Variants in NCAM2 observed in about 807,000 individuals in gnomAD.
NCAM2 encodes the protein N-CAM-2.
Under a neutral mutation model 98.1 loss-of-function variants are expected in NCAM2, and 30 were observed. The ratio of observed to expected loss-of-function variants is 0.31; its 90% CI spans 0.23 to 0.41. The LOEUF (loss-of-function observed/expected upper bound fraction) is 0.41. Among genes scored for constraint, NCAM2 ranks in the 10% least tolerant of loss-of-function variants. NCAM2 has a pLI of 1.00. For synonymous variants in NCAM2, 368 were observed against 342.4 expected, an observed-to-expected ratio of 1.07 and a Z score of -0.83; for missense variants, 867 against 1,005.8, an observed-to-expected ratio of 0.86 and a Z score of 1.87.
At chr21:21,319,767 C>T (rs1172433353) in intron 5 of NCAM2, among the ~76,000 whole-genome samples, 4 of 151,662 alleles carry the variant, frequency 2.6e-5, no homozygotes, top group African/African-American at 4.8e-5. Flanking sequence ...TTAAAAGAAA[C>T]ATAATAATCA....
intron 1 of NCAM2, among the ~76,000 whole-genome samples, chr21:21,252,890 A>G (rs2071525668): frequency 6.6e-6 from 1 of 152,070 alleles, no homozygotes; most frequent in Admixed American, 6.6e-5. Context: ...TATGTCTCAC[A>G]TATATATTGA....
chr21:21,130,542 T>C (rs2066912487), intron 1 of NCAM2, among the ~76,000 whole-genome samples: 1 of 152,132 alleles, frequency 6.6e-6, no homozygotes, highest in African/African-American at 2.4e-5. Context: ...AAGAAGTATA[T>C]ATAATTACAC....
At position 21,341,750 on chromosome 21, in the gene NCAM2, C is replaced by CA. The variant is rs761848967; in HGVS notation, c.1044+3224dup. ...CTAAGTTCTCAATCACCAGATAAGA[C>CA]AAAAAAAATGGGGATAAAATACCAT... is the stretch of plus-strand genomic sequence containing the variant. On this transcript the variant is annotated intron_variant, in intron 8 of 17. Coordinates refer to ENST00000400546, the MANE Select transcript of NCAM2 (RefSeq NM_004540.5). Among the ~76,000 whole-genome samples the CA allele has an allele frequency of 3.1e-3, 429 of 139,552 alleles. 1 individual carries two copies. Among genetic ancestry groups the CA allele is most frequent in the Non-Finnish European group, 5.1e-3 (331 of 64,758 alleles). The allele number at this position is 139,552 out of a possible 152,430, so 91.6% of individuals were successfully genotyped here. A position where few individuals can be genotyped will look rare whatever the true frequency, so the allele number is the denominator to read the frequency against.
At chr21:21,233,799 C>T (rs1486573013) in intron 1 of NCAM2, among the ~76,000 whole-genome samples, 4 of 151,728 alleles carry the variant, frequency 2.6e-5, no homozygotes, top group Non-Finnish European at 4.4e-5. Flanking sequence ...AATATAGTTT[C>T]TCTTTGCTAT....
At chr21:21,081,297 A>G (rs2065792681) in intron 1 of NCAM2, among the ~76,000 whole-genome samples, 1 of 152,088 alleles carries the variant, frequency 6.6e-6, no homozygotes, top group East Asian at 1.9e-4. Flanking sequence ...TCGGGAAGCT[A>G]CTGAGTTTCA....
At chr21:21,168,543 T>G (rs1347507265) in intron 1 of NCAM2, among the ~76,000 whole-genome samples, 3 of 152,034 alleles carry the variant, frequency 2.0e-5, no homozygotes, top group Non-Finnish European at 4.4e-5. Flanking sequence ...ATTTAAAAAA[T>G]CCAAAGAATC....
chr21:21,052,485 T>C (rs1431559337), intron 1 of NCAM2, among the ~76,000 whole-genome samples: 1 of 152,002 alleles, frequency 6.6e-6, no homozygotes, highest in East Asian at 1.9e-4. Flanking sequence ...CTATTTCAGG[T>C]GTGACTTCTA....
chr21:21,113,002 C>T (rs1380733094), intron 1 of NCAM2, among the ~76,000 whole-genome samples: 1 of 152,054 alleles, frequency 6.6e-6, no homozygotes, highest in Non-Finnish European at 1.5e-5. Context: ...CACAAAACTT[C>T]GTCTTTTCCA....
At chr21:21,441,435 C>A (rs940512862) in intron 12 of NCAM2, among the ~76,000 whole-genome samples, 1 of 152,062 alleles carries the variant, frequency 6.6e-6, no homozygotes, top group African/African-American at 2.4e-5. Flanking sequence ...TAAATATTCT[C>A]CAACAAATAT....
intron 12 of NCAM2, among the ~76,000 whole-genome samples, chr21:21,457,536 A>G (rs1982331857): frequency 6.6e-6 from 1 of 152,020 alleles, no homozygotes; most frequent in Non-Finnish European, 1.5e-5. Flanking sequence ...GCTACTCAGG[A>G]GGCTGAGGCA....
intron 1 of NCAM2, among the ~76,000 whole-genome samples, chr21:21,153,238 C>G (rs975783317): frequency 1.3e-5 from 2 of 148,782 alleles, no homozygotes; most frequent in African/African-American, 5.0e-5. Flanking sequence ...TCCTTTACAT[C>G]TGGAAGACAA....
chr21:21,226,694 G>A (rs2070397589), intron 1 of NCAM2: 1 of 152,058 alleles, frequency 6.6e-6, no homozygotes, highest in African/African-American at 2.4e-5. Flanking sequence ...TATTCACAAA[G>A]GACAGCCTGC....
intron 1 of NCAM2, among the ~76,000 whole-genome samples, chr21:21,039,749 T>C (rs1188360557): frequency 6.6e-6 from 1 of 152,196 alleles, no homozygotes; most frequent in Non-Finnish European, 1.5e-5. Flanking sequence ...CGTAGACATA[T>C]GCAAATCACT....
At chr21:21,431,677 T>C (rs1376484135) in intron 11 of NCAM2, among the ~76,000 whole-genome samples, 2 of 152,216 alleles carry the variant, frequency 1.3e-5, no homozygotes, top group East Asian at 3.9e-4. Flanking sequence ...AGAAAATACA[T>C]TTTGTATTTT....
At chr21:21,271,957 T>G (rs2072518134) in intron 1 of NCAM2, among the ~76,000 whole-genome samples, 1 of 152,130 alleles carries the variant, frequency 6.6e-6, no homozygotes, top group South Asian at 2.1e-4. Flanking sequence ...GATGAGTTAA[T>G]GGGTGCAGCA....
chr21:21,375,098 G>A (rs1479405971), intron 9 of NCAM2, among the ~76,000 whole-genome samples: 5 of 150,926 alleles, frequency 3.3e-5, no homozygotes. Flanking sequence ...CACCAGCATG[G>A]CACATGTATA....
intron 1 of NCAM2, among the ~76,000 whole-genome samples, chr21:21,063,964 G>A (rs2065378457): frequency 6.6e-6 from 1 of 152,160 alleles, no homozygotes; most frequent in African/African-American, 2.4e-5. Flanking sequence ...AGAAAGCAAA[G>A]TTAATTTGTT....
At chr21:21,427,451 C>T (rs1428629740) in intron 11 of NCAM2, among the ~76,000 whole-genome samples, 1 of 152,114 alleles carries the variant, frequency 6.6e-6, no homozygotes, top group Non-Finnish European at 1.5e-5. Flanking sequence ...ACATTGGTTA[C>T]ATTGAAGCAT....
At chr21:21,251,922 T>A (rs2071490223) in intron 1 of NCAM2, among the ~76,000 whole-genome samples, 1 of 152,140 alleles carries the variant, frequency 6.6e-6, no homozygotes, top group Non-Finnish European at 1.5e-5. Flanking sequence ...TGTTTGTCAA[T>A]TTTGGCTTTT....
Sources: allele counts gnomAD v4.1 joint callset (sites outside exome capture counted in the v4.1 genomes callset), GRCh38; gene constraint gnomAD v4.1.1; transcripts MANE v1.5; gene names NCBI Gene and HGNC (gene_info 2026-07-23, HGNC 2026-07-21).